The following PRKCQ variants were observed in gnomAD, a reference collection of about 807,000 sequenced individuals.
PRKCQ encodes protein kinase C theta.
PRKCQ carries 41 observed loss-of-function variants against 91.2 expected under a neutral mutation model. The ratio of observed to expected loss-of-function variants is 0.45; its 90% confidence interval spans 0.35 to 0.58. The LOEUF (loss-of-function observed/expected upper bound fraction) is 0.58. Ranked by LOEUF, PRKCQ falls within the 20% of genes least tolerant of loss-of-function variation. The pLI is 0.00. For missense variants in PRKCQ, 673 were observed against 896.5 expected (o/e 0.75, Z 3.18); for synonymous variants, 307 against 316.9 (o/e 0.97, Z 0.33).
At chr10:6,419,237 TTATG>T in the PRKCQ span, among the ~76,000 whole-genome samples, 1 of 82,016 alleles carries the variant, frequency 1.2e-5, no homozygotes, top group Non-Finnish European at 2.5e-5. Flanking sequence ...TCAAATCTAT[TTATG>T]TGTGTGTACA....
At position 6,579,787 on chromosome 10, in the gene PRKCQ, T is replaced by C. The variant is rs554844614; in HGVS notation, c.-10+424A>G. 2.0e-5 allele frequency among the ~76,000 whole-genome samples: 3 copies of C among 150,752 alleles called. No homozygotes were observed. In the South Asian group the frequency reaches 6.3e-4, roughly 32 times the overall value. ...CAATACATTCCCAGAAAAGGGGTTA[T>C]GCTCCCCTGTGGACAGGATACCATC... On this transcript the variant is annotated intron_variant, in intron 1 of 17. Transcript: ENST00000263125.
At chr10:6,401,590 T>A in the PRKCQ span, among the ~76,000 whole-genome samples, 1 of 152,062 alleles carries the variant, frequency 6.6e-6, no homozygotes, top group East Asian at 1.9e-4. Flanking sequence ...CCGCCACCCT[T>A]TTACTGATTA....
At chr10:6,426,712 T>TTAAA (rs1005589997), downstream of PRKCQ, among the ~76,000 whole-genome samples, 8 of 152,322 alleles carry the variant, frequency 5.3e-5, no homozygotes, top group African/African-American at 1.7e-4. Context: ...TTATTCTATT[T>TTAAA]TAAATATAAT....
intron 1 of PRKCQ, among the ~76,000 whole-genome samples, chr10:6,577,894 T>C (rs1841304881): frequency 6.6e-6 from 1 of 151,926 alleles, no homozygotes; most frequent in Admixed American, 6.6e-5. Flanking sequence ...TCCCCGAAGT[T>C]ACATACTTGT....
At chr10:6,429,408 T>C (rs1833292370) in intron 17 of PRKCQ, among the ~76,000 whole-genome samples, 1 of 152,220 alleles carries the variant, frequency 6.6e-6, no homozygotes. Flanking sequence ...GGCTGGCCTG[T>C]TGGGTCCTTG....
At chr10:6,413,474 TCACACACACACACACACA>T in the PRKCQ span, among the ~76,000 whole-genome samples, 1 of 120,134 alleles carries the variant, frequency 8.3e-6, no homozygotes, top group South Asian at 2.5e-4. Context: ...AAAAATTATG[TCACACACACACACACACA>T]CACACACACA....
chr10:6,548,973 C>T (rs1398451851), intron 1 of PRKCQ, among the ~76,000 whole-genome samples: 1 of 152,178 alleles, frequency 6.6e-6, no homozygotes, highest in Non-Finnish European at 1.5e-5. Flanking sequence ...CATCCATGAT[C>T]CATTTATCCA....
At chr10:6,474,601 C>G (rs989968587) in intron 12 of PRKCQ, among the ~76,000 whole-genome samples, 1 of 152,130 alleles carries the variant, frequency 6.6e-6, no homozygotes, top group African/African-American at 2.4e-5. Flanking sequence ...AACACAGAAA[C>G]TTTGGATACT....
intron 15 of PRKCQ, among the ~76,000 whole-genome samples, chr10:6,449,703 A>G (rs1834540452): frequency 6.6e-6 from 1 of 152,190 alleles, no homozygotes; most frequent in East Asian, 1.9e-4. Flanking sequence ...GTTACCCACA[A>G]AGGGAAGCCC....
intron 8 of PRKCQ, among the ~76,000 whole-genome samples, chr10:6,487,315 T>C (rs1490980363): frequency 1.3e-5 from 2 of 152,224 alleles, no homozygotes; most frequent in African/African-American, 4.8e-5. Flanking sequence ...ACCAAAGTTT[T>C]CTGTCATCTT....
At chr10:6,485,401 C>T (rs535986182) in intron 9 of PRKCQ, 132 bp from the exon 10 acceptor site, 1 of 722,360 alleles carries the variant, frequency 1.4e-6, no homozygotes, top group African/African-American at 1.7e-5. Flanking sequence ...TCCTTATCCT[C>T]AACGTTCTTT....
chr10:6,438,198 T>C (rs1271266615), intron 16 of PRKCQ, among the ~76,000 whole-genome samples: 1 of 152,240 alleles, frequency 6.6e-6, no homozygotes, highest in Non-Finnish European at 1.5e-5. Flanking sequence ...TTGTCAGCAC[T>C]TCTCAGATTC....
intron 11 of PRKCQ, among the ~76,000 whole-genome samples, chr10:6,481,890 A>G (rs1016234410): frequency 6.6e-6 from 1 of 152,098 alleles, no homozygotes. Flanking sequence ...AAAAGCCTAT[A>G]TTCCATATCA....
intron 7 of PRKCQ, among the ~76,000 whole-genome samples, chr10:6,495,474 C>T (rs1365294106): frequency 6.6e-6 from 1 of 152,242 alleles, no homozygotes; most frequent in Non-Finnish European, 1.5e-5. Flanking sequence ...CTTCAGCTGT[C>T]AGTTTCAATG....
chr10:6,510,891 G>C, intron 3 of PRKCQ, 104 bp downstream of exon 3: 1 of 1,356,182 alleles, frequency 7.4e-7, no homozygotes, highest in Non-Finnish European at 1.0e-6. Flanking sequence ...CTGGTGACCC[G>C]AGGCCAGTGT....
At chr10:6,457,717 C>T (rs549218188) in intron 14 of PRKCQ, among the ~76,000 whole-genome samples, 1 of 152,110 alleles carries the variant, frequency 6.6e-6, no homozygotes, top group Non-Finnish European at 1.5e-5. Flanking sequence ...ACAGCGGCAC[C>T]CAGAGCTCCA....
intron 1 of PRKCQ, among the ~76,000 whole-genome samples, chr10:6,536,392 G>A (rs1469454266): frequency 6.6e-6 from 1 of 152,138 alleles, no homozygotes; most frequent in Non-Finnish European, 1.5e-5. Flanking sequence ...GACATGGGAG[G>A]GATGTCCACT....
In PRKCQ at chr10:6,513,533, T is replaced by C. The variant is rs184914334; in HGVS notation, c.118+1485A>G. ...AGAGAACTGGATCCAGGAGACCCAT[T>C]AAGTCAAAGGCGGCTTTGAAAAACT... is the stretch of plus-strand genomic sequence containing the variant. On this transcript the variant is annotated intron_variant, in intron 2 of 17. Coordinates refer to ENST00000263125, the MANE Select transcript of PRKCQ (RefSeq NM_006257.5). 7.0e-4 allele frequency among the ~76,000 whole-genome samples: 106 copies of C among 151,210 alleles called. 3 individuals are homozygous for C. Among genetic ancestry groups the C allele is most frequent in the Admixed American group, 6.9e-3 (105 of 15,194 alleles).
chr10:6,546,847 T>C, intron 1 of PRKCQ, among the ~76,000 whole-genome samples: 1 of 152,004 alleles, frequency 6.6e-6, no homozygotes, highest in Non-Finnish European at 1.5e-5. Flanking sequence ...TTGCCCATTC[T>C]GTATGATATT....
Sources: gnomAD v4.1 joint callset for allele counts (sites outside exome capture counted in the v4.1 genomes callset) on GRCh38, gnomAD v4.1.1 for gene constraint, MANE v1.5 for transcripts, NCBI Gene and HGNC (gene_info 2026-07-23, HGNC 2026-07-21) for gene names.